Variants in SLC30A7 observed in about 807,000 individuals in gnomAD.
SLC30A7 encodes zinc transporter 7.
A neutral mutation model predicts 46.0 loss-of-function variants in SLC30A7; 35 were observed. The ratio of observed to expected loss-of-function variants is 0.76; its 90% CI spans 0.58 to 1.01. The LOEUF is 1.01. Among genes scored for constraint, SLC30A7 ranks in the 50% least tolerant of loss-of-function variants. SLC30A7 has a pLI of 0.00. For synonymous variants in SLC30A7, 147 were observed against 157.8 expected (o/e 0.93, Z 0.51); for missense variants, 464 against 451.1 (o/e 1.03, Z -0.26).
At chr1:100,970,609 AT>A (rs201385221) in intron 10 of SLC30A7, among the ~76,000 whole-genome samples, 24 of 146,338 alleles carry the variant, frequency 1.6e-4, no homozygotes, top group East Asian at 1.2e-3. Flanking sequence ...CCTTGCACTA[AT>A]TTTTTTTTTA....
At chr1:100,900,190 T>C (rs372608533) in intron 2 of SLC30A7, among the ~76,000 whole-genome samples, 43 of 152,380 alleles carry the variant, frequency 2.8e-4, no homozygotes, top group African/African-American at 9.6e-4. Context: ...TGTGTTTTTA[T>C]GTTCTTACAT....
At chr1:100,983,394 AAC>A (rs1263448469), downstream of SLC30A7, among the ~76,000 whole-genome samples, 1 of 121,146 alleles carries the variant, frequency 8.3e-6, no homozygotes, top group African/African-American at 2.7e-5. Context: ...AAAAAAACAA[AAC>A]AAAACAAAAC....
In SLC30A7 at chr1:100,923,004, A is replaced by ATTTTTT. The variant is rs71084855; in HGVS notation, c.842+1189_842+1194dup. 4.9e-4 allele frequency among the ~76,000 whole-genome samples: 24 copies of ATTTTTT among 49,138 alleles called. 2 individuals are homozygous for ATTTTTT. Among genetic ancestry groups the ATTTTTT allele is most frequent in the African/African-American group, 2.0e-3 (22 of 10,852 alleles). 32.2% of individuals were successfully genotyped at this position (49,138 alleles called of 152,430 possible). On this transcript the variant is annotated intron_variant, in intron 8 of 10. Transcript: ENST00000357650. ...TATAGCTTGTAGTTTGTTAGAATAGATTTTTTTTTTTTTTTTTTTTTTTTT... is the reference window on the plus strand; with the variant it reads ...TATAGCTTGTAGTTTGTTAGAATAGATTTTTTTTTTTTTTTTTTTTTTTTTTTTTTT...
intron 10 of SLC30A7, among the ~76,000 whole-genome samples, chr1:100,971,602 C>T (rs1347213604): frequency 1.3e-5 from 2 of 152,076 alleles, no homozygotes; most frequent in Non-Finnish European, 2.9e-5. Flanking sequence ...TTATTGAGAG[C>T]TCATCATGTG....
At chr1:100,916,495 T>C (rs1232686299) in intron 6 of SLC30A7, among the ~76,000 whole-genome samples, 1 of 152,140 alleles carries the variant, frequency 6.6e-6, no homozygotes, top group African/African-American at 2.4e-5. Context: ...AGTAGGTGTA[T>C]ATTGTTATGG....
rs1261113487 is a variant in SLC30A7 at position 100,902,365 on chromosome 1, C to A, written c.183-4487C>A. Among the ~76,000 whole-genome samples the A allele has an allele frequency of 3.9e-5, 6 of 152,000 alleles. No individual in the cohort carries two copies. The South Asian group carries it at 1.2e-3, about 32-fold the overall frequency. ...TATATCCACACCTCTTTAAAAGGAACCTGACTGCTATTCTGTGCAAAAGGA... is the reference window on the plus strand; with the variant it reads ...TATATCCACACCTCTTTAAAAGGAAACTGACTGCTATTCTGTGCAAAAGGA... On this transcript the variant is annotated intron_variant, in intron 2 of 10. Transcript: ENST00000357650.
chr1:100,986,128 G>A (rs560044676), downstream of SLC30A7, among the ~76,000 whole-genome samples: 9 of 152,256 alleles, frequency 5.9e-5, no homozygotes, highest in South Asian at 1.5e-3. Context: ...ACACCACTGC[G>A]GCCAGGCACA....
chr1:100,921,018 T>TA (rs1652900077), intron 7 of SLC30A7, among the ~76,000 whole-genome samples: 1 of 152,128 alleles, frequency 6.6e-6, no homozygotes, highest in Non-Finnish European at 1.5e-5. Flanking sequence ...AACTTTGACT[T>TA]ACTAAATGTT....
In SLC30A7 at chr1:100,969,052, G is replaced by A. The variant is rs541103063; in HGVS notation, c.1083+3134G>A. ...GAGTAAATTAATGAAATAATCTTAC[G>A]TATAATTAGGATTTACTCCAGTGCT... On this transcript the variant is annotated intron_variant, in intron 10 of 10. Transcript: ENST00000357650. 9.9e-5 allele frequency among the ~76,000 whole-genome samples: 15 copies of A among 152,196 alleles called. No homozygotes were observed. The South Asian group carries it at 2.1e-3, about 21-fold the overall frequency.
chr1:100,907,260 A>G (rs138698428), intron 3 of SLC30A7, among the ~76,000 whole-genome samples: 2 of 152,306 alleles, frequency 1.3e-5, no homozygotes, highest in African/African-American at 4.8e-5. Flanking sequence ...AGTATATGAA[A>G]ATAGGATTTT....
intron 9 of SLC30A7, among the ~76,000 whole-genome samples, chr1:100,965,518 T>C (rs1655811501): frequency 6.6e-6 from 1 of 152,228 alleles, no homozygotes; most frequent in South Asian, 2.1e-4. Flanking sequence ...AATTTCCCTG[T>C]GGGGCACACT....
Position 100,977,010 on chromosome 1 carries a change from A to C in SLC30A7, c.*2153A>C. 1 of 137,506 alleles carries C rather than the reference A, an allele frequency of 7.3e-6. No individual in the cohort carries two copies. Among genetic ancestry groups the C allele is most frequent in the African/African-American group, 2.9e-5 (1 of 35,006 alleles). The allele number at this position is 137,506 out of a possible 1,614,324, so 8.5% of individuals were successfully genotyped here. The stretch of plus-strand genomic sequence containing the variant: ...TACTGGTTTTTCTACAAATATAAGT[A>C]GTCATTAGAAGTTTGCAACCACCAC... On this transcript the variant is annotated 3_prime_UTR_variant, in exon 11 of 11. Coordinates refer to ENST00000357650, the MANE Select transcript of SLC30A7 (RefSeq NM_133496.5).
At chr1:100,989,070 A>C in the SLC30A7 span, among the ~76,000 whole-genome samples, 3 of 152,166 alleles carry the variant, frequency 2.0e-5, no homozygotes, top group Admixed American at 1.3e-4. Flanking sequence ...AGTTGAACCA[A>C]CTGAACTAGG....
chr1:100,949,502 C>T (rs556075649), intron 8 of SLC30A7, among the ~76,000 whole-genome samples: 1 of 152,224 alleles, frequency 6.6e-6, no homozygotes, highest in South Asian at 2.1e-4. Flanking sequence ...TGTCCGTTCT[C>T]AGTGCTCAAA....
intron 8 of SLC30A7, among the ~76,000 whole-genome samples, chr1:100,929,388 C>T (rs914809200): frequency 6.6e-6 from 1 of 151,878 alleles, no homozygotes; most frequent in African/African-American, 2.4e-5. Flanking sequence ...TTTAAATGTA[C>T]ACCTGATAAA....
chr1:100,953,829 G>A (rs1227948396), intron 8 of SLC30A7, among the ~76,000 whole-genome samples: 2 of 152,130 alleles, frequency 1.3e-5, no homozygotes, highest in Non-Finnish European at 2.9e-5. Flanking sequence ...TCATAAAAAT[G>A]AAGAGAAGAG....
At chr1:100,905,579 C>T (rs919527434) in intron 2 of SLC30A7, among the ~76,000 whole-genome samples, 2 of 151,868 alleles carry the variant, frequency 1.3e-5, no homozygotes, top group South Asian at 4.2e-4. Context: ...GGATGCTCTG[C>T]TTTTTTTGTT....
At chr1:100,919,400 A>G (rs1413921958) in intron 7 of SLC30A7, among the ~76,000 whole-genome samples, 2 of 151,842 alleles carry the variant, frequency 1.3e-5, no homozygotes, top group Non-Finnish European at 2.9e-5. Context: ...AACTGCACCT[A>G]TTTGTCTTCA....
intron 8 of SLC30A7, among the ~76,000 whole-genome samples, chr1:100,951,601 C>G (rs1346104791): frequency 6.6e-6 from 1 of 152,178 alleles, no homozygotes; most frequent in African/African-American, 2.4e-5. Flanking sequence ...TGTGCTCATG[C>G]CAGGCTCGTG....
Sources: gnomAD v4.1 joint callset for allele counts (sites outside exome capture counted in the v4.1 genomes callset) on GRCh38, gnomAD v4.1.1 for gene constraint, MANE v1.5 for transcripts, NCBI Gene and HGNC (gene_info 2026-07-23, HGNC 2026-07-21) for gene names.